Variants in MCPH1 observed in about 807,000 individuals in gnomAD.
MCPH1 encodes microcephalin.
Under a neutral mutation model 84.5 loss-of-function variants are expected in MCPH1, and 104 were observed. That is an observed-to-expected ratio of 1.23 (90% confidence interval 1.05 to 1.45). The LOEUF (loss-of-function observed/expected upper bound fraction) is 1.45, where lower values mean the gene tolerates loss of function less well. Among genes scored for constraint, MCPH1 ranks in the 40% most tolerant of loss-of-function variants. The pLI, the probability that MCPH1 is intolerant of heterozygous loss-of-function variation, is 0.00. For missense variants in MCPH1, 1,498 were observed against 1,005.7 expected, an observed-to-expected ratio of 1.49 and a Z score of -6.62; for synonymous variants, 514 against 366.8, an observed-to-expected ratio of 1.40 and a Z score of -4.58.
intron 13 of MCPH1, among the ~76,000 whole-genome samples, chr8:6,622,891 A>T (rs1831613051): frequency 6.6e-6 from 1 of 151,956 alleles, no homozygotes; most frequent in Non-Finnish European, 1.5e-5. Flanking sequence ...CCCAGGATGG[A>T]GTGCAGTAGC....
intron 12 of MCPH1, among the ~76,000 whole-genome samples, chr8:6,551,156 G>A (rs937959898): frequency 6.6e-6 from 1 of 152,142 alleles, no homozygotes; most frequent in African/African-American, 2.4e-5. Context: ...GCTGACTTAG[G>A]ATTTTAAATC....
rs1451385153 is a variant in MCPH1 at position 6,505,473 on chromosome 8, A to G, written c.2214+5544A>G. Among the ~76,000 whole-genome samples the G allele has an allele frequency of 6.2e-5, 4 of 64,820 alleles. 1 individual carries two copies. The highest frequency in any genetic ancestry group is 1.3e-4 in the Non-Finnish European group (4 of 30,576). 42.5% of individuals were successfully genotyped at this position (64,820 alleles called of 152,430 possible). A position where few individuals can be genotyped will look rare whatever the true frequency, so the allele number is the denominator to read the frequency against. On this transcript the variant is annotated intron_variant, in intron 12 of 13. Coordinates refer to ENST00000344683, the MANE Select transcript of MCPH1 (RefSeq NM_024596.5). ...CATATAGAATATATATATTCTTTAC[A>G]TATATAGAATATATATATTCTTTAT...
At chr8:6,637,069 T>G (rs1376686953) in intron 13 of MCPH1, among the ~76,000 whole-genome samples, 2 of 152,256 alleles carry the variant, frequency 1.3e-5, no homozygotes, top group African/African-American at 2.4e-5. Context: ...CTGGGCTACT[T>G]TCTTCAAACA....
intron 9 of MCPH1, among the ~76,000 whole-genome samples, chr8:6,467,526 A>G (rs1807131330): frequency 6.6e-6 from 1 of 152,200 alleles, no homozygotes; most frequent in Non-Finnish European, 1.5e-5. Context: ...AGTTTTAACA[A>G]AAACGAGGGA....
At chr8:6,409,526 G>C (rs182991998) in intron 2 of MCPH1, among the ~76,000 whole-genome samples, 156 bp downstream of exon 2, 8 of 152,110 alleles carry the variant, frequency 5.3e-5, no homozygotes, top group African/African-American at 1.7e-4. Context: ...GAAGAATTTA[G>C]AACAGTAGGA....
chr8:6,412,821 TGA>T (rs371285788), intron 2 of MCPH1, among the ~76,000 whole-genome samples: 24 of 151,458 alleles, frequency 1.6e-4, no homozygotes, highest in African/African-American at 5.1e-4. Context: ...GTGTGGAAAT[TGA>T]GAGAGAGAGA....
At chr8:6,484,958 A>G (rs987565139) in intron 11 of MCPH1, among the ~76,000 whole-genome samples, 2 of 152,264 alleles carry the variant, frequency 1.3e-5, no homozygotes, top group African/African-American at 2.4e-5. Flanking sequence ...TACAGAATCC[A>G]TGTATTAAAA....
rs1798111144 is a variant in MCPH1 at position 6,644,379 on chromosome 8, T to G, written c.*1330T>G. On this transcript the variant is annotated 3_prime_UTR_variant, in exon 14 of 14. Transcript: ENST00000344683. ...AGGCAAGAATAAGCCATAAAAGGCA[T>G]CCAAATAGGAAAAGAAGTCAAACTG... 6.6e-6 allele frequency: 1 copy of G among 152,174 alleles called. No homozygotes were observed. Among genetic ancestry groups the G allele is most frequent in the African/African-American group, 2.4e-5 (1 of 41,426 alleles). 9.4% of individuals were successfully genotyped at this position (152,174 alleles called of 1,614,324 possible). A position where few individuals can be genotyped will look rare whatever the true frequency, so the allele number is the denominator to read the frequency against.
intron 11 of MCPH1, among the ~76,000 whole-genome samples, chr8:6,483,908 A>G (rs1809544225): frequency 6.6e-6 from 1 of 152,150 alleles, no homozygotes; most frequent in African/African-American, 2.4e-5. Context: ...GGAGAACCTC[A>G]TTCTATACCT....
intron 12 of MCPH1, among the ~76,000 whole-genome samples, chr8:6,504,847 G>A (rs1812961310): frequency 6.6e-6 from 1 of 152,112 alleles, no homozygotes; most frequent in South Asian, 2.1e-4. Flanking sequence ...CATAGGGTTT[G>A]ATACTGTGTG....
intron 11 of MCPH1, among the ~76,000 whole-genome samples, chr8:6,489,847 A>T (rs1368342355): frequency 6.6e-6 from 1 of 152,196 alleles, no homozygotes; most frequent in Non-Finnish European, 1.5e-5. Flanking sequence ...TCAGGGAAAA[A>T]AAATTTAAAA....
chr8:6,641,864 A>G (rs756851398), intron 13 of MCPH1, among the ~76,000 whole-genome samples: 1 of 152,172 alleles, frequency 6.6e-6, no homozygotes, highest in Non-Finnish European at 1.5e-5. Context: ...TAACTATATC[A>G]TTTCTTATAT....
intron 12 of MCPH1, among the ~76,000 whole-genome samples, chr8:6,613,051 G>T (rs934705278): frequency 9.2e-5 from 14 of 152,210 alleles, no homozygotes; most frequent in East Asian, 1.9e-4. Context: ...AGAGGCATGG[G>T]GTTGGCCTGC....
chr8:6,622,629 G>T (rs1831580023), intron 13 of MCPH1, among the ~76,000 whole-genome samples: 1 of 152,192 alleles, frequency 6.6e-6, no homozygotes. Flanking sequence ...CAGTTCTGGA[G>T]GCTGGAAGTC....
chr8:6,411,121 C>T (rs916717430), intron 2 of MCPH1, among the ~76,000 whole-genome samples: 2 of 152,132 alleles, frequency 1.3e-5, no homozygotes, highest in East Asian at 1.9e-4. Flanking sequence ...CTAGTAGGAT[C>T]CGATGGTGAA....
chr8:6,574,021 A>C (rs570576626), intron 12 of MCPH1, among the ~76,000 whole-genome samples: 1 of 152,356 alleles, frequency 6.6e-6, no homozygotes, highest in East Asian at 1.9e-4. Flanking sequence ...ACAATTTCCC[A>C]AGAATAATGG....
intron 13 of MCPH1, among the ~76,000 whole-genome samples, chr8:6,633,607 A>C (rs1325409748): frequency 6.6e-6 from 1 of 152,162 alleles, no homozygotes; most frequent in Non-Finnish European, 1.5e-5. Context: ...TAGCGTCCCC[A>C]AGGGAAAAAA....
At chr8:6,503,679 A>C (rs553465236) in intron 12 of MCPH1, among the ~76,000 whole-genome samples, 1 of 152,212 alleles carries the variant, frequency 6.6e-6, no homozygotes, top group Non-Finnish European at 1.5e-5. Flanking sequence ...CCCTTGCTCT[A>C]TTAAATGATT....
chr8:6,525,048 G>C (rs1335929043), intron 12 of MCPH1, among the ~76,000 whole-genome samples: 4 of 152,182 alleles, frequency 2.6e-5, no homozygotes, highest in Non-Finnish European at 5.9e-5. Flanking sequence ...TGGCCTCTCG[G>C]GCCCCTTTTA....
Sources: allele counts gnomAD v4.1 joint callset (sites outside exome capture counted in the v4.1 genomes callset), GRCh38; gene constraint gnomAD v4.1.1; transcripts MANE v1.5; gene names NCBI Gene and HGNC (gene_info 2026-07-23, HGNC 2026-07-21).